Variants in PTPRJ observed in about 807,000 individuals in gnomAD.
The protein encoded by PTPRJ is protein tyrosine phosphatase receptor type J, also known as receptor-type tyrosine-protein phosphatase eta.
PTPRJ carries 129 observed loss-of-function variants against 141.3 expected under a neutral mutation model. The ratio of observed to expected loss-of-function variants is 0.91; its 90% CI spans 0.79 to 1.06. PTPRJ has a LOEUF of 1.06. Among genes scored for constraint, PTPRJ ranks in the 50% least tolerant of loss-of-function variants. The pLI, the probability that PTPRJ is intolerant of heterozygous loss-of-function variation, is 0.00. For synonymous variants in PTPRJ, 610 were observed against 640.5 expected (o/e 0.95, Z 0.72); for missense variants, 1,601 against 1,679.7 (o/e 0.95, Z 0.82).
chr11:48,103,606 T>C (rs546775817), intron 1 of PTPRJ, among the ~76,000 whole-genome samples: 1 of 152,388 alleles, frequency 6.6e-6, no homozygotes, highest in African/African-American at 2.4e-5. Flanking sequence ...ACATCAATTA[T>C]GTTCAAAGTA....
intron 1 of PTPRJ, among the ~76,000 whole-genome samples, chr11:48,038,429 G>C (rs559120588): frequency 6.6e-6 from 1 of 152,092 alleles, no homozygotes; most frequent in South Asian, 2.1e-4. Flanking sequence ...TTTTTTTTCT[G>C]ATCAGTTACA....
chr11:48,003,111 G>T lies in PTPRJ; in HGVS notation c.96+22103G>T, dbSNP rs141196968. Among the ~76,000 whole-genome samples the T allele has an allele frequency of 9.9e-3, 1,509 of 152,266 alleles. 28 individuals carry two copies. Among genetic ancestry groups the T allele is most frequent in the African/African-American group, 0.035 (1,433 of 41,532 alleles). ...TTAATGCTGAAAGGCTAAATAAAGAGAACTTTTTATTTTTTCCATGTTAAT... is the reference window on the plus strand; with the variant it reads ...TTAATGCTGAAAGGCTAAATAAAGATAACTTTTTATTTTTTCCATGTTAAT... On this transcript the variant is annotated intron_variant, in intron 1 of 24. Transcript: ENST00000418331.
chr11:48,080,610 G>C (rs193088615), intron 1 of PTPRJ, among the ~76,000 whole-genome samples: 2 of 152,326 alleles, frequency 1.3e-5, no homozygotes, highest in South Asian at 2.1e-4. Context: ...AAGTCAGAAG[G>C]GTGTTGGGTT....
At chr11:48,149,800 A>G (rs953680079) in intron 16 of PTPRJ, 190 bp from the exon 17 acceptor site, 2 of 578,288 alleles carry the variant, frequency 3.5e-6, no homozygotes, top group African/African-American at 3.9e-5. Flanking sequence ...CCAATTAGTT[A>G]CAAAGTAGGG....
At chr11:48,019,607 A>G (rs1855055454) in intron 1 of PTPRJ, among the ~76,000 whole-genome samples, 1 of 152,238 alleles carries the variant, frequency 6.6e-6, no homozygotes, top group African/African-American at 2.4e-5. Flanking sequence ...ACTCAGGAAC[A>G]TTCAGTGTTT....
intron 8 of PTPRJ, among the ~76,000 whole-genome samples, chr11:48,131,233 C>T (rs1338099602): frequency 6.6e-6 from 1 of 151,686 alleles, no homozygotes; most frequent in African/African-American, 2.4e-5. Flanking sequence ...CAGGTGTGCA[C>T]CACCATGCCT....
At chr11:48,004,717 G>T (rs144520698) in intron 1 of PTPRJ, among the ~76,000 whole-genome samples, 3 of 152,314 alleles carry the variant, frequency 2.0e-5, no homozygotes, top group African/African-American at 7.2e-5. Flanking sequence ...CAAATGCAGG[G>T]TGTTTGCGGC....
chr11:48,067,763 C>T (rs11039509), intron 1 of PTPRJ, among the ~76,000 whole-genome samples: 22,269 of 152,138 alleles, frequency 0.15, 3,746 homozygotes, highest in African/African-American at 0.41. Flanking sequence ...TTCTTCTAGT[C>T]TCCTATCTAG....
chr11:48,143,911 A>G (rs1227619090), intron 12 of PTPRJ, among the ~76,000 whole-genome samples: 1 of 149,242 alleles, frequency 6.7e-6, no homozygotes, highest in Non-Finnish European at 1.5e-5. Flanking sequence ...TAGAGACAAG[A>G]TCTCACCATG....
intron 6 of PTPRJ, among the ~76,000 whole-genome samples, chr11:48,126,445 G>C (rs1856832046): frequency 6.6e-6 from 1 of 151,928 alleles, no homozygotes; most frequent in African/African-American, 2.4e-5. Flanking sequence ...TGTAACAAAT[G>C]GCCATGCACT....
intron 24 of PTPRJ, among the ~76,000 whole-genome samples, chr11:48,165,357 G>A (rs1250702818): frequency 2.0e-5 from 3 of 152,202 alleles, no homozygotes; most frequent in Admixed American, 6.5e-5. Flanking sequence ...GCGGAGAAAA[G>A]GAACACTTAA....
chr11:48,080,709 C>T (rs955205666), intron 1 of PTPRJ, among the ~76,000 whole-genome samples: 1 of 152,170 alleles, frequency 6.6e-6, no homozygotes, highest in South Asian at 2.1e-4. Context: ...TTGTTCTTGG[C>T]CTCAGCTCCA....
intron 1 of PTPRJ, among the ~76,000 whole-genome samples, chr11:47,989,086 T>C (rs912983446): frequency 6.6e-6 from 1 of 150,884 alleles, no homozygotes; most frequent in African/African-American, 2.4e-5. Context: ...GGTTTCACCG[T>C]GTTAGCCAGG....
intron 1 of PTPRJ, among the ~76,000 whole-genome samples, chr11:48,106,318 T>C (rs1160816546): frequency 6.6e-6 from 1 of 152,204 alleles, no homozygotes; most frequent in East Asian, 1.9e-4. Flanking sequence ...TTCCTAATTT[T>C]GTGTGTACAT....
At chr11:47,994,498 A>G (rs1056525805) in intron 1 of PTPRJ, among the ~76,000 whole-genome samples, 1 of 151,972 alleles carries the variant, frequency 6.6e-6, no homozygotes, top group South Asian at 2.1e-4. Context: ...CTACTAAAAT[A>G]CAAAAAATTA....
chr11:48,110,114 C>T (rs1956330892), intron 2 of PTPRJ, 38 bp downstream of exon 2: 2 of 1,595,136 alleles, frequency 1.3e-6, no homozygotes, highest in Admixed American at 1.7e-5. Context: ...GTGTTGTTCG[C>T]TACTGCCCCC....
intron 1 of PTPRJ, among the ~76,000 whole-genome samples, chr11:47,992,982 G>A (rs1432307249): frequency 6.6e-6 from 1 of 152,202 alleles, no homozygotes; most frequent in Admixed American, 6.5e-5. Context: ...GGTGGGGGAT[G>A]GAGGTGGATT....
chr11:48,021,353 G>A (rs1326514850), intron 1 of PTPRJ, among the ~76,000 whole-genome samples: 1 of 149,996 alleles, frequency 6.7e-6, no homozygotes, highest in Non-Finnish European at 1.5e-5. Flanking sequence ...CAGCCTGGGC[G>A]GCAAGAGCAA....
chr11:48,018,175 T>G (rs1003319109), intron 1 of PTPRJ, among the ~76,000 whole-genome samples: 8 of 152,134 alleles, frequency 5.3e-5, no homozygotes, highest in Non-Finnish European at 1.0e-4. Context: ...CTTCCTGTTT[T>G]TTTTTTTTTC....
Sources: allele counts gnomAD v4.1 joint callset (sites outside exome capture counted in the v4.1 genomes callset), GRCh38; gene constraint gnomAD v4.1.1; transcripts MANE v1.5; gene names NCBI Gene and HGNC (gene_info 2026-07-23, HGNC 2026-07-21).